The following ANXA3 variants were observed in gnomAD, a reference collection of about 807,000 sequenced individuals.
The protein encoded by ANXA3 is annexin A3.
ANXA3 carries 46 observed loss-of-function variants against 48.8 expected under a neutral mutation model. The observed-to-expected ratio is 0.94, with a 90% CI of 0.74 to 1.21. The LOEUF (loss-of-function observed/expected upper bound fraction) is 1.21. Ranked by LOEUF, ANXA3 falls within the 50% of genes most tolerant of loss-of-function variation. The pLI, the probability that ANXA3 is intolerant of heterozygous loss-of-function variation, is 0.00. For missense variants in ANXA3, 383 were observed against 378.6 expected, an observed-to-expected ratio of 1.01 and a Z score of -0.10; for synonymous variants, 128 against 134.7, an observed-to-expected ratio of 0.95 and a Z score of 0.35.
chr4:78,579,835 C>T (rs921499816), intron 4 of ANXA3, among the ~76,000 whole-genome samples: 21 of 152,250 alleles, frequency 1.4e-4, no homozygotes, highest in Admixed American at 1.1e-3. Context: ...AGGCTGAGGG[C>T]TGAGGCAGGA....
intron 2 of ANXA3, among the ~76,000 whole-genome samples, chr4:78,559,914 A>T (rs1201977643): frequency 6.6e-6 from 1 of 152,224 alleles, no homozygotes. Context: ...TGATTTCAAT[A>T]TATTAATTTT....
At chr4:78,584,864 C>G (rs1204314898) in intron 5 of ANXA3, among the ~76,000 whole-genome samples, 1 of 152,164 alleles carries the variant, frequency 6.6e-6, no homozygotes, top group Non-Finnish European at 1.5e-5. Context: ...GTGGCCTGAC[C>G]CCTATGAGAG....
At chr4:78,590,041 T>C (rs962690169) in intron 6 of ANXA3, among the ~76,000 whole-genome samples, 1 of 152,164 alleles carries the variant, frequency 6.6e-6, no homozygotes. Context: ...GTTGAAATAA[T>C]TTTTTACTCT....
intron 6 of ANXA3, among the ~76,000 whole-genome samples, chr4:78,588,828 C>T (rs967551981): frequency 1.6e-4 from 24 of 152,222 alleles, no homozygotes; most frequent in African/African-American, 4.3e-4. Flanking sequence ...TAATAGGGAG[C>T]GGGTACAGAC....
At chr4:78,572,376 C>A (rs1371049398) in intron 2 of ANXA3, among the ~76,000 whole-genome samples, 1 of 152,174 alleles carries the variant, frequency 6.6e-6, no homozygotes, top group African/African-American at 2.4e-5. Context: ...AAAATCAGTC[C>A]ACTGAGACCA....
At chr4:78,562,697 C>T (rs1214786935) in intron 2 of ANXA3, among the ~76,000 whole-genome samples, 3 of 151,984 alleles carry the variant, frequency 2.0e-5, no homozygotes, top group Admixed American at 6.6e-5. Flanking sequence ...GGAAGACAGA[C>T]AATAAATGAA....
intron 5 of ANXA3, 98 bp from the exon 6 acceptor site, chr4:78,586,162 A>G: frequency 1.3e-6 from 1 of 776,500 alleles, no homozygotes. Flanking sequence ...TTTACTTAAA[A>G]GTGTCCTTTC....
chr4:78,599,460 A>G (rs866868058), intron 10 of ANXA3, among the ~76,000 whole-genome samples: 7 of 152,220 alleles, frequency 4.6e-5, no homozygotes, highest in South Asian at 4.1e-4. Flanking sequence ...GGAGCATACT[A>G]CTTGCCAAAT....
chr4:78,574,873 A>G (rs1722915327), intron 3 of ANXA3, among the ~76,000 whole-genome samples: 1 of 152,228 alleles, frequency 6.6e-6, no homozygotes, highest in East Asian at 1.9e-4. Context: ...AGAATATGAC[A>G]AGAACTGGAA....
At chr4:78,554,379 A>T in intron 1 of ANXA3, 57 bp from the exon 2 acceptor site, 1 of 1,206,778 alleles carries the variant, frequency 8.3e-7, no homozygotes, top group Non-Finnish European at 1.2e-6. Context: ...TTGGACTAAG[A>T]TTATTGTGTT....
chr4:78,577,293 A>G (rs1722976044), intron 3 of ANXA3, among the ~76,000 whole-genome samples: 1 of 152,204 alleles, frequency 6.6e-6, no homozygotes. Flanking sequence ...AATAAGATAA[A>G]GAAAGGAATC....
chr4:78,609,179 C>T (rs1353130114), intron 12 of ANXA3, among the ~76,000 whole-genome samples: 3 of 152,156 alleles, frequency 2.0e-5, no homozygotes, highest in East Asian at 3.9e-4. Flanking sequence ...CTAAATGAGC[C>T]TTCTCTGAGA....
chr4:78,590,003 A>G (rs1723256843), intron 6 of ANXA3, among the ~76,000 whole-genome samples: 2 of 152,232 alleles, frequency 1.3e-5, no homozygotes, highest in African/African-American at 4.8e-5. Context: ...ACTGTGCCTC[A>G]AAATGGATAA....
intron 4 of ANXA3, among the ~76,000 whole-genome samples, chr4:78,581,492 G>C (rs1723069996): frequency 6.6e-6 from 1 of 152,096 alleles, no homozygotes; most frequent in South Asian, 2.1e-4. Flanking sequence ...GGAGGATATT[G>C]AATATTCCTA....
intron 2 of ANXA3, among the ~76,000 whole-genome samples, chr4:78,561,635 C>T (rs536227413): frequency 1.3e-5 from 2 of 152,108 alleles, no homozygotes; most frequent in East Asian, 3.9e-4. Flanking sequence ...TGCTGAACTC[C>T]TCCTCTGGTC....
chr4:78,568,451 T>C (rs1366150390), intron 2 of ANXA3, among the ~76,000 whole-genome samples: 1 of 152,242 alleles, frequency 6.6e-6, no homozygotes, highest in Non-Finnish European at 1.5e-5. Context: ...GGAGCTTTGA[T>C]TTGATGCCTC....
chr4:78,587,648 T>C (rs2109940556), intron 6 of ANXA3, among the ~76,000 whole-genome samples: 1 of 152,328 alleles, frequency 6.6e-6, no homozygotes, highest in South Asian at 2.1e-4. Context: ...GGTCCTCATG[T>C]AGGTGTTAAA....
chr4:78,600,476 T>G (rs1422658780), intron 10 of ANXA3, among the ~76,000 whole-genome samples: 1 of 152,218 alleles, frequency 6.6e-6, no homozygotes, highest in Non-Finnish European at 1.5e-5. Flanking sequence ...TCATTATTTT[T>G]TATCAAGCTA....
chr4:78,601,249 T>C (rs1036149845), intron 10 of ANXA3, among the ~76,000 whole-genome samples: 6 of 152,160 alleles, frequency 3.9e-5, no homozygotes, highest in African/African-American at 1.2e-4. Context: ...TCAGTCGCTG[T>C]GGGAGTTTCT....
Sources: gnomAD v4.1 joint callset for allele counts (sites outside exome capture counted in the v4.1 genomes callset) on GRCh38, gnomAD v4.1.1 for gene constraint, MANE v1.5 for transcripts, NCBI Gene and HGNC (gene_info 2026-07-23, HGNC 2026-07-21) for gene names.